Variants in TTC7A observed in about 807,000 individuals in gnomAD.
The protein encoded by TTC7A is tetratricopeptide repeat domain 7A, also known as tetratricopeptide repeat protein 7A.
A neutral mutation model predicts 103.7 loss-of-function variants in TTC7A; 110 were observed. The observed-to-expected ratio is 1.06, with a 90% CI of 0.91 to 1.24. TTC7A has a LOEUF of 1.24. Among genes scored for constraint, TTC7A ranks in the 50% most tolerant of loss-of-function variants. TTC7A has a pLI of 0.00. For synonymous variants in TTC7A, 521 were observed against 467.9 expected, an observed-to-expected ratio of 1.11 and a Z score of -1.47; for missense variants, 1,340 against 1,116.3, an observed-to-expected ratio of 1.20 and a Z score of -2.86.
intron 16 of TTC7A, chr2:47,047,277 G>T (rs1682421362): frequency 6.5e-7 from 1 of 1,548,502 alleles, no homozygotes. Flanking sequence ...GACTTTAGGA[G>T]CCCAGAAGGC....
At chr2:46,974,757 C>A (rs1224225381) in intron 3 of TTC7A, 10 of 641,650 alleles carry the variant, frequency 1.6e-5, no homozygotes, top group South Asian at 1.5e-4. Context: ...GGGTGATGCA[C>A]TGTGATTCCC....
intron 1 of TTC7A, among the ~76,000 whole-genome samples, chr2:46,945,008 A>T (rs1402836021): frequency 1.3e-5 from 2 of 152,348 alleles, no homozygotes; most frequent in East Asian, 3.9e-4. Context: ...TTTTGTTATG[A>T]AAATTTCAAA....
intron 2 of TTC7A, among the ~76,000 whole-genome samples, chr2:46,920,211 A>G (rs1215732483): frequency 5.9e-5 from 9 of 152,228 alleles, no homozygotes; most frequent in Admixed American, 5.9e-4. Context: ...TAATGTATGT[A>G]TTAAATCACA....
intron 3 of TTC7A, among the ~76,000 whole-genome samples, chr2:46,960,859 G>C (rs1223224150): frequency 2.0e-5 from 3 of 152,234 alleles, no homozygotes; most frequent in African/African-American, 7.2e-5. Context: ...AGATGGGTCA[G>C]ACAGATGAGG....
rs532122901 is a variant in TTC7A at position 46,999,665 on chromosome 2, C to T, written c.1065+4466C>T. On this transcript the variant is annotated intron_variant, in intron 8 of 19. Coordinates refer to ENST00000319190, the MANE Select transcript of TTC7A (RefSeq NM_020458.4). ...GCCTGCTGAACCTCAAACGTAAATT[C>T]TTGTTTTTGAAAGAACCGTGTATCA... 2.4e-5 allele frequency: 24 copies of T among 985,420 alleles called. No homozygotes were observed. In the South Asian group the frequency reaches 1.0e-3, roughly 42 times the overall value. 61.0% of individuals were successfully genotyped at this position (985,420 alleles called of 1,614,324 possible). A position where few individuals can be genotyped will look rare whatever the true frequency, so the allele number is the denominator to read the frequency against.
At chr2:46,987,950 G>A (rs1265584281) in intron 5 of TTC7A, among the ~76,000 whole-genome samples, 4 of 152,160 alleles carry the variant, frequency 2.6e-5, no homozygotes, top group African/African-American at 7.2e-5. Flanking sequence ...GGTTCCATCA[G>A]TAATTTTGCC....
In TTC7A at chr2:46,941,795, G is replaced by T. The variant is rs1038052550; in HGVS notation, c.184+70G>T. Reference sequence around the variant, plus strand: ...ACGCACCGCCTCCTCCAGGAAGCGCGCCCAGACAGTCCTCGGCCGACAGCG... The same window carrying T: ...ACGCACCGCCTCCTCCAGGAAGCGCTCCCAGACAGTCCTCGGCCGACAGCG... On this transcript the variant is annotated intron_variant, in intron 1 of 19. Coordinates refer to ENST00000319190, the MANE Select transcript of TTC7A (RefSeq NM_020458.4). This position sits in a 1 kb window ranked among gnomAD's most constrained non-coding sequence, Gnocchi z 4.2. 1 of 1,533,038 alleles carries T rather than the reference G, an allele frequency of 6.5e-7. No individual in the cohort carries two copies. Among genetic ancestry groups the T allele is most frequent in the Non-Finnish European group, 8.8e-7 (1 of 1,134,986 alleles). The allele number at this position is 1,533,038 out of a possible 1,614,324, so 95.0% of individuals were successfully genotyped here.
intron 11 of TTC7A, among the ~76,000 whole-genome samples, chr2:47,019,532 G>T (rs61430050): frequency 1.8e-4 from 28 of 152,324 alleles, no homozygotes; most frequent in African/African-American, 3.6e-4. Flanking sequence ...TGGACAAGGA[G>T]TGCTACTAAT....
chr2:46,974,690 G>T, intron 3 of TTC7A: 1 of 539,676 alleles, frequency 1.9e-6, no homozygotes, highest in Non-Finnish European at 3.5e-6. Flanking sequence ...TTAGAAAAAT[G>T]GGGATACTGC....
At chr2:46,943,363 AGT>A (rs961935172) in intron 1 of TTC7A, among the ~76,000 whole-genome samples, 7 of 152,166 alleles carry the variant, frequency 4.6e-5, no homozygotes, top group African/African-American at 1.7e-4. Context: ...CAAGTCTCCT[AGT>A]GTCAGAGTTG....
At chr2:47,071,141 C>T (rs1172224394) in intron 19 of TTC7A, 3 of 152,278 alleles carry the variant, frequency 2.0e-5, no homozygotes, top group Admixed American at 1.3e-4. Context: ...GGTGAGACCT[C>T]GCATCTTCCT....
intron 3 of TTC7A, among the ~76,000 whole-genome samples, chr2:46,961,484 G>A (rs564579562): frequency 4.0e-4 from 61 of 152,082 alleles, no homozygotes; most frequent in African/African-American, 1.3e-3. Flanking sequence ...GGCTGAGGCA[G>A]GAGAATGGCA....
At chr2:46,974,607 T>C (rs1005264890) in intron 3 of TTC7A, 2 of 453,810 alleles carry the variant, frequency 4.4e-6, no homozygotes, top group Non-Finnish European at 8.8e-6. Context: ...AAGTAGGAAA[T>C]GGGGAACTAG....
intron 19 of TTC7A, 136 bp from the exon 20 acceptor site, chr2:47,073,566 A>G (rs945800477): frequency 3.0e-5 from 22 of 733,696 alleles, no homozygotes; most frequent in Non-Finnish European, 4.9e-5. Flanking sequence ...GTCACTTAAC[A>G]GTGCCCAAGC....
intron 3 of TTC7A, chr2:46,958,581 C>A (rs1436730287): frequency 6.3e-5 from 81 of 1,295,156 alleles, no homozygotes; most frequent in Non-Finnish European, 7.9e-5. Flanking sequence ...CCGGCGCGGG[C>A]TGCTTGGTCT....
chr2:46,958,004 G>T (rs1672037608), intron 3 of TTC7A, among the ~76,000 whole-genome samples: 1 of 152,182 alleles, frequency 6.6e-6, no homozygotes, highest in Non-Finnish European at 1.5e-5. Flanking sequence ...AAGTTACCCA[G>T]ATACATGGTG....
chr2:46,938,761 C>A (rs994655187), upstream of TTC7A, among the ~76,000 whole-genome samples: 3 of 152,092 alleles, frequency 2.0e-5, no homozygotes, highest in Middle Eastern at 3.2e-3. Flanking sequence ...TGCCTGTAAT[C>A]CCAGCACTTT....
At chr2:47,066,751 T>A (rs1169092929) in intron 19 of TTC7A, among the ~76,000 whole-genome samples, 1 of 152,242 alleles carries the variant, frequency 6.6e-6, no homozygotes, top group Non-Finnish European at 1.5e-5. Flanking sequence ...AGACAAGGTC[T>A]CACTATGTTG....
intron 10 of TTC7A, among the ~76,000 whole-genome samples, chr2:47,009,981 G>A (rs72806576): frequency 0.037 from 5,560 of 151,244 alleles, 132 homozygotes; most frequent in African/African-American, 0.046. Flanking sequence ...CATAGAGGCA[G>A]TGTAGGGTAG....
Sources: gnomAD v4.1 joint callset for allele counts (sites outside exome capture counted in the v4.1 genomes callset) on GRCh38, gnomAD v4.1.1 for gene constraint, Gnocchi (gnomAD v3.1) non-coding constraint, MANE v1.5 for transcripts, NCBI Gene and HGNC (gene_info 2026-07-23, HGNC 2026-07-21) for gene names.